Variants in ZAN observed in about 807,000 individuals in gnomAD.
ZAN encodes zonadhesin, also known as zonadhesin (gene/pseudogene).
In ZAN, 260 loss-of-function variants were observed where a neutral mutation model predicts 286.2. The observed-to-expected ratio is 0.91, with a 90% CI of 0.82 to 1.01. The LOEUF is 1.01. Ranked by LOEUF, ZAN falls within the 50% of genes least tolerant of loss-of-function variation. The probability of loss-of-function intolerance (pLI) is 0.00; values close to 1 mark genes in which losing one functional copy is unlikely to be tolerated. For missense variants in ZAN, 3,410 were observed against 3,639.2 expected (o/e 0.94, Z 1.62); for synonymous variants, 1,368 against 1,417.5 (o/e 0.97, Z 0.79).
chr7:100,738,882 TCCCTC>T (rs1807512817), intron 7 of ZAN, among the ~76,000 whole-genome samples: 2 of 3,832 alleles, frequency 5.2e-4, no homozygotes, highest in Non-Finnish European at 9.7e-4. Context: ...CTTCTCCCTC[TCCCTC>T]TCCCTCTCCC....
Position 100,773,401 on chromosome 7 carries a change from T to C in ZAN, c.5542T>C (p.Cys1848Arg), listed in dbSNP as rs1810522967. 6.2e-7 allele frequency: 1 copy of C among 1,614,010 alleles called. No individual in the cohort carries two copies. ...CAAAGCACTGCCCTGTGCTGAGAGC[T>C]GTGAATGTCAGAAAGGCCACATCTT... is the stretch of plus-strand genomic sequence containing the variant. ...CPKALPCAES[C>R]ECQKGHILSG... Residue 1848 changes from cysteine to arginine, a missense_variant, in exon 30 of 48, where the codon TGT (cysteine) becomes CGT (arginine). Transcript: ENST00000613979.
chr7:100,735,843 C>G, intron 3 of ZAN, 71 bp downstream of exon 3: 1 of 1,215,774 alleles, frequency 8.2e-7, no homozygotes, highest in Non-Finnish European at 1.2e-6. Flanking sequence ...ACCAGAATGC[C>G]AGTTCCTGAG....
chr7:100,783,040 G>T (rs1198496175), intron 35 of ZAN, among the ~76,000 whole-genome samples: 3 of 152,150 alleles, frequency 2.0e-5, no homozygotes, highest in Non-Finnish European at 4.4e-5. Flanking sequence ...GGCCGAGGTG[G>T]GCGGATCACC....
rs1473449864 is a variant in ZAN, at chr7:100,772,027, G to A, written c.5425+7G>A. 2 of 1,584,672 alleles carry A rather than the reference G, an allele frequency of 1.3e-6. No homozygotes were observed. The highest frequency in any genetic ancestry group is 2.3e-5 in the East Asian group (1 of 44,284). On this transcript the variant is annotated splice_region_variant and intron_variant, in intron 29 of 47. Transcript: ENST00000613979. ...CGGAACAGAACCTTCTGCCGTGAGT[G>A]ACTGGCCACCTGTTCCCACAGCCCA...
chr7:100,773,224 C>T (rs1810508856), intron 29 of ZAN, 61 bp from the exon 30 acceptor site: 3 of 1,582,750 alleles, frequency 1.9e-6, no homozygotes, highest in Non-Finnish European at 2.6e-6. Flanking sequence ...GCTTTTGATG[C>T]CCCAAGGTTT....
Position 100,734,240 on chromosome 7 carries a change from G to T in ZAN, c.53+19G>T. 1 of 1,417,032 alleles carries T rather than the reference G, an allele frequency of 7.1e-7. No homozygotes were observed. Among genetic ancestry groups the T allele is most frequent in the Non-Finnish European group, 9.6e-7 (1 of 1,044,252 alleles). The allele number at this position is 1,417,032 out of a possible 1,614,324, so 87.8% of individuals were successfully genotyped here. A position where few individuals can be genotyped will look rare whatever the true frequency, so the allele number is the denominator to read the frequency against. ...TTTTCAGGTAAGCTGGGCCCAGGGG[G>T]TAATGATAAACCAGGGTCAGCTGAG... On this transcript the variant is annotated intron_variant, in intron 2 of 47. Coordinates refer to ENST00000613979, the MANE Select transcript of ZAN (RefSeq NM_003386.3).
chr7:100,793,868 G>A lies in ZAN; in HGVS notation c.7836G>A (p.Leu2612=), dbSNP rs1332758849. The A allele has an allele frequency of 2.5e-6, 4 of 1,613,470 alleles. No individual in the cohort carries two copies. In the African/African-American group the frequency reaches 5.3e-5, roughly 22 times the overall value. The change falls in exon 43 of 48, where the codon CTG becomes CTA. Residue 2612 remains leucine, a synonymous_variant. Coordinates refer to ENST00000613979, the MANE Select transcript of ZAN (RefSeq NM_003386.3). ...RYHISELYDT[L]PSILCQPGRP... ...ATATATCAGAGCTGTATGACACCCTGCCCAGCATCCTGTGCCAACCTGGCA... is the reference window on the plus strand; with the variant it reads ...ATATATCAGAGCTGTATGACACCCTACCCAGCATCCTGTGCCAACCTGGCA...
chr7:100,791,216 G>A (rs1811934990), intron 40 of ZAN, 103 bp downstream of exon 40: 1 of 1,430,936 alleles, frequency 7.0e-7, no homozygotes, highest in African/African-American at 1.4e-5. Flanking sequence ...ACTCCAGGGA[G>A]AGGGTGCAGA....
rs913170670 is a variant in ZAN, at chr7:100,767,093, T to G, written c.4696T>G (p.Tyr1566Asp). ...ALHHFMGTCT[Y>D]VLTRPCWSRS... ...GCACCACTTCATGGGCACCTGCACCTATGTCCTGACCCGGCCTTGCTGGTC... is the reference window on the plus strand; with the variant it reads ...GCACCACTTCATGGGCACCTGCACCGATGTCCTGACCCGGCCTTGCTGGTC... Residue 1566 changes from tyrosine (Y) to aspartate (D), a missense_variant, in exon 25 of 48, where the codon TAT (tyrosine) becomes GAT (aspartate). Physicochemically the swap from Tyr to Asp is radical, Grantham distance 160 (BLOSUM62 -3). This residue lies in a region of ZAN where 1,042 missense variants were observed against 1,058.0 expected (regional missense o/e 0.98). Transcript: ENST00000613979. 6.2e-6 allele frequency: 10 copies of G among 1,613,912 alleles called. No individual in the cohort carries two copies. The Middle Eastern group carries it at 9.9e-4, about 160-fold the overall frequency.
chr7:100,748,039 A>C, intron 9 of ZAN, 98 bp from the exon 10 acceptor site: 1 of 924,762 alleles, frequency 1.1e-6, no homozygotes, highest in Non-Finnish European at 1.7e-6. Flanking sequence ...GGGCACAGGG[A>C]GTAGGGATTC....
At chr7:100,734,532 T>G (rs1440119697) in intron 2 of ZAN, among the ~76,000 whole-genome samples, 1 of 136,762 alleles carries the variant, frequency 7.3e-6, no homozygotes, top group Non-Finnish European at 1.6e-5. Context: ...GGCAGGAGAA[T>G]CGCTTGAACC....
At chr7:100,749,659 T>A (rs371456801) in intron 11 of ZAN, among the ~76,000 whole-genome samples, 12,577 of 124,354 alleles carry the variant, frequency 0.1, 984 homozygotes, top group East Asian at 0.13. Context: ...AAAATATATA[T>A]ATATATATAT....
At chr7:100,792,309 GTCTT>G (rs1812030320) in intron 41 of ZAN, 92 bp from the exon 42 acceptor site, 2 of 1,518,242 alleles carry the variant, frequency 1.3e-6, no homozygotes, top group Middle Eastern at 1.8e-4. Context: ...ACCGACTGAT[GTCTT>G]TCTGTTTGGG....
At position 100,773,890 on chromosome 7, in the gene ZAN, G is replaced by C. The variant is rs551449483; in HGVS notation, c.5779+25G>C. 14 of 1,585,616 alleles carry C rather than the reference G, an allele frequency of 8.8e-6. No individual in the cohort carries two copies. The Admixed American group carries it at 1.8e-4, about 20-fold the overall frequency. On this transcript the variant is annotated intron_variant, in intron 31 of 47. Coordinates refer to ENST00000613979, the MANE Select transcript of ZAN (RefSeq NM_003386.3). ...GGTAGGAGGACCACGGTGATGGGGG[G>C]ACTCCACAGCCCTGAGGCCCACTCT...
In ZAN at chr7:100,771,899, C is replaced by T. The variant is rs753597249; in HGVS notation, c.5304C>T (p.Cys1768=). Residue 1768 remains cysteine (C), a synonymous_variant, in exon 29 of 48, where the codon TGC becomes TGT. Coordinates refer to ENST00000613979, the MANE Select transcript of ZAN (RefSeq NM_003386.3). The part of the protein sequence containing the change: ...VVPPQSSFAS[C]VHGQCGTKGD... ...CTCCCCAGTCCAGCTTTGCCAGTTG[C>T]GTGCATGGTCAGTGTGGGACCAAGG... 6.2e-6 allele frequency: 10 copies of T among 1,613,172 alleles called. No individual in the cohort carries two copies. Among genetic ancestry groups the T allele is most frequent in the South Asian group, 3.3e-5 (3 of 91,076 alleles).
In ZAN at chr7:100,786,130, G is replaced by C. The variant is rs941173657; in HGVS notation, c.6968G>C (p.Cys2323Ser). 2 of 1,613,982 alleles carry C rather than the reference G, an allele frequency of 1.2e-6. No homozygotes were observed. The change falls in exon 37 of 48, where the codon TGT becomes TCT. Residue 2323 changes from cysteine (C) to serine (S), a missense_variant. Cys to Ser is a moderately radical substitution (Grantham distance 112, BLOSUM62 -1). Transcript: ENST00000613979. ...QLTSDNSNSN[C>S]VSDKSEQCSV... ...ACTTCCGACAACAGCAACAGCAATTGTGTCTCAGACAGTAAGGGGAGCGAC... is the reference window on the plus strand; with the variant it reads ...ACTTCCGACAACAGCAACAGCAATTCTGTCTCAGACAGTAAGGGGAGCGAC...
At position 100,736,517 on chromosome 7, in the gene ZAN, C is replaced by G; in HGVS notation, c.141C>G (p.Ala47=). The G allele has an allele frequency of 1.3e-6, 2 of 1,524,142 alleles. 1 individual carries two copies. The highest frequency in any genetic ancestry group is 1.8e-6 in the Non-Finnish European group (2 of 1,108,200). The allele number at this position is 1,524,142 out of a possible 1,614,324, so 94.4% of individuals were successfully genotyped here. The change falls in exon 4 of 48, where the codon GCC becomes GCG. Residue 47 remains alanine, a synonymous_variant. Transcript: ENST00000613979. ...CCCAGTGTGATTTTGAGGATGACGC[C>G]AAACCCCTCTGTGACTGGTCCCAAG... is the stretch of plus-strand genomic sequence containing the variant. ...VLTQCDFEDD[A]KPLCDWSQVS... is the part of the protein sequence containing the mutation.
rs1809654187 is a variant in ZAN at position 100,762,372 on chromosome 7, C to T, written c.3986+14C>T. The T allele has an allele frequency of 6.3e-7, 1 of 1,598,032 alleles. No homozygotes were observed. Among genetic ancestry groups the T allele is most frequent in the Non-Finnish European group, 8.5e-7 (1 of 1,171,000 alleles). ...CGAGGACCAGGAGTGAGCAAGGAGC[C>T]CTCCCACCGGGGCCCTGGGAAGGTT... On this transcript the variant is annotated intron_variant, in intron 20 of 47. Coordinates refer to ENST00000613979, the MANE Select transcript of ZAN (RefSeq NM_003386.3).
Position 100,768,022 on chromosome 7 carries a change from T to C in ZAN, c.5041+11T>C. 9 of 1,606,862 alleles carry C rather than the reference T, an allele frequency of 5.6e-6. No homozygotes were observed. Among genetic ancestry groups the C allele is most frequent in the Non-Finnish European group, 7.7e-6 (9 of 1,176,282 alleles). The stretch of plus-strand genomic sequence containing the variant: ...TCTGTGGGCTGTGTGGTGAGTTTCC[T>C]GGGCACCTGCGGGGAAAGCTGGGAC... On this transcript the variant is annotated intron_variant, in intron 26 of 47. Transcript: ENST00000613979.
Sources: gnomAD v4.1 joint callset for allele counts (sites outside exome capture counted in the v4.1 genomes callset) on GRCh38, gnomAD v4.1.1 for gene constraint, gnomAD v4.1.1 regional missense constraint, MANE v1.5 for transcripts, NCBI Gene and HGNC (gene_info 2026-07-23, HGNC 2026-07-21) for gene names.